Variants in TLK1 observed in about 807,000 individuals in gnomAD.
TLK1 encodes tousled like kinase 1, also known as serine/threonine-protein kinase tousled-like 1.
Under a neutral mutation model 105.3 loss-of-function variants are expected in TLK1, and 24 were observed. The ratio of observed to expected loss-of-function variants is 0.23; its 90% CI spans 0.17 to 0.32. TLK1 has a LOEUF of 0.32. Ranked by LOEUF, TLK1 falls within the 10% of genes least tolerant of loss-of-function variation. The probability of loss-of-function intolerance (pLI) is 1.00; values close to 1 mark genes in which losing one functional copy is unlikely to be tolerated. For missense variants in TLK1, 558 were observed against 910.5 expected (o/e 0.61, Z 4.98); for synonymous variants, 321 against 310.4 (o/e 1.03, Z -0.36).
At chr2:171,029,175 C>G (rs1336405855) in intron 11 of TLK1, among the ~76,000 whole-genome samples, 1 of 152,158 alleles carries the variant, frequency 6.6e-6, no homozygotes, top group Non-Finnish European at 1.5e-5. Context: ...TCAAGAATTT[C>G]AGTTTTACTC....
chr2:171,204,726 A>C (rs1373437112), intron 1 of TLK1, among the ~76,000 whole-genome samples: 1 of 152,204 alleles, frequency 6.6e-6, no homozygotes, highest in Non-Finnish European at 1.5e-5. Context: ...TGGGAGGCTG[A>C]AGTGGGTAGA....
At chr2:171,049,256 A>G (rs1021726359) in intron 10 of TLK1, among the ~76,000 whole-genome samples, 1 of 152,212 alleles carries the variant, frequency 6.6e-6, no homozygotes, top group African/African-American at 2.4e-5. Flanking sequence ...CAACCTGCAT[A>G]TATATTCCCT....
intron 4 of TLK1, among the ~76,000 whole-genome samples, chr2:171,058,511 C>A (rs1687605912): frequency 6.6e-6 from 1 of 152,086 alleles, no homozygotes; most frequent in Non-Finnish European, 1.5e-5. Flanking sequence ...AATAATAAAA[C>A]AGCTTTAGTT....
intron 11 of TLK1, among the ~76,000 whole-genome samples, chr2:171,043,192 A>C (rs1178304717): frequency 2.0e-5 from 3 of 152,220 alleles, no homozygotes; most frequent in Non-Finnish European, 4.4e-5. Context: ...CTGCGACTGA[A>C]GAGATAGAGG....
rs769771389 is a variant in TLK1, at chr2:171,050,080, T to C, written c.827A>G (p.Lys276Arg). The change falls in exon 9 of 21, where the codon AAA becomes AGA. Residue 276 changes from lysine (K) to arginine (R), a missense_variant. This residue lies in a region of TLK1 where 196 missense variants were observed against 239.3 expected (regional missense o/e 0.82). Transcript: ENST00000431350. ...TTAGCCTACCTTTTCAATAAGAAGT[T>C]TCTTGCTCATTGATATGCACTTATT... ...RLNKCISMSK[K>R]LLIEKSTQEK... The C allele has an allele frequency of 1.1e-5, 17 of 1,602,428 alleles. No homozygotes were observed. The highest frequency in any genetic ancestry group is 1.4e-5 in the Non-Finnish European group (16 of 1,172,834).
intron 2 of TLK1, among the ~76,000 whole-genome samples, chr2:171,099,113 GGTAAATACA>G (rs1689581542): frequency 6.6e-6 from 1 of 151,938 alleles, no homozygotes; most frequent in Non-Finnish European, 1.5e-5. Flanking sequence ...AAATACTAAA[GGTAAATACA>G]GTAATAACAG....
At chr2:170,998,381 A>C (rs1052503235) in intron 18 of TLK1, among the ~76,000 whole-genome samples, 1 of 152,118 alleles carries the variant, frequency 6.6e-6, no homozygotes, top group African/African-American at 2.4e-5. Context: ...ATCTGCACAC[A>C]CTATCTTCCC....
At chr2:171,143,347 T>C (rs1276876420) in intron 1 of TLK1, among the ~76,000 whole-genome samples, 3 of 150,872 alleles carry the variant, frequency 2.0e-5, no homozygotes, top group East Asian at 1.9e-4. Context: ...TCTACTAAAA[T>C]ACAAAAAGTT....
At chr2:171,198,843 T>A (rs1055448006) in intron 1 of TLK1, among the ~76,000 whole-genome samples, 12 of 152,254 alleles carry the variant, frequency 7.9e-5, no homozygotes, top group Non-Finnish European at 1.8e-4. Context: ...TCCTATCTAT[T>A]TACCTGTTGA....
At chr2:171,066,769 A>G in intron 3 of TLK1, 1 of 1,471,600 alleles carries the variant, frequency 6.8e-7, no homozygotes, top group Non-Finnish European at 9.2e-7. Flanking sequence ...CTATCCCTTT[A>G]AGGCTTTATT....
At chr2:171,129,919 A>G (rs1691032159) in intron 1 of TLK1, among the ~76,000 whole-genome samples, 1 of 152,020 alleles carries the variant, frequency 6.6e-6, no homozygotes, top group Admixed American at 6.6e-5. Flanking sequence ...AAATATTCAT[A>G]CAGTGATTTC....
intron 1 of TLK1, among the ~76,000 whole-genome samples, chr2:171,157,044 AATCCACCTG>A: frequency 6.6e-6 from 1 of 152,130 alleles, no homozygotes; most frequent in Non-Finnish European, 1.5e-5. Context: ...GAGCTCAAGC[AATCCACCTG>A]CCTAGGCCTC....
intron 11 of TLK1, among the ~76,000 whole-genome samples, chr2:171,041,611 T>A (rs1468840274): frequency 6.6e-6 from 1 of 152,210 alleles, no homozygotes; most frequent in Non-Finnish European, 1.5e-5. Flanking sequence ...CTAGGTTGTA[T>A]GCTGCTTATG....
chr2:171,184,935 A>T (rs1175961755), intron 1 of TLK1, among the ~76,000 whole-genome samples: 1 of 151,860 alleles, frequency 6.6e-6, no homozygotes, highest in East Asian at 2.0e-4. Context: ...GCCTCCCAGG[A>T]TCAGGCCATT....
At chr2:171,179,840 T>C (rs1043601471) in intron 1 of TLK1, among the ~76,000 whole-genome samples, 1 of 152,116 alleles carries the variant, frequency 6.6e-6, no homozygotes, top group African/African-American at 2.4e-5. Flanking sequence ...ACACCTGCAA[T>C]CCCAACACTT....
At chr2:171,128,965 T>A (rs1266467803) in intron 1 of TLK1, among the ~76,000 whole-genome samples, 1 of 121,030 alleles carries the variant, frequency 8.3e-6, no homozygotes, top group Non-Finnish European at 1.7e-5. Flanking sequence ...AGAGGAAGAG[T>A]ATGTGTGTGT....
intron 1 of TLK1, among the ~76,000 whole-genome samples, chr2:171,127,242 A>C (rs937728256): frequency 1.3e-5 from 2 of 149,460 alleles, no homozygotes; most frequent in African/African-American, 5.0e-5. Context: ...ATGTCACTGC[A>C]CTCCAGCCTG....
intron 2 of TLK1, among the ~76,000 whole-genome samples, chr2:171,091,304 AATATT>A (rs1347466217): frequency 1.3e-5 from 2 of 152,156 alleles, no homozygotes; most frequent in African/African-American, 4.8e-5. Flanking sequence ...GTTAAGAGGG[AATATT>A]ATATTTCAAC....
Position 170,991,561 on chromosome 2 carries a change from G to A in TLK1, c.*2219C>T, listed in dbSNP as rs1683785070. On this transcript the variant is annotated 3_prime_UTR_variant, in exon 21 of 21. Coordinates refer to ENST00000431350, the MANE Select transcript of TLK1 (RefSeq NM_012290.5). ...AAAATGATGACCTAAACCCAGGTCA[G>A]GAAAGCAACTTCATTTCATGGCTTG... 2 of 152,190 alleles carry A rather than the reference G, an allele frequency of 1.3e-5. No individual in the cohort carries two copies. 9.4% of individuals were successfully genotyped at this position (152,190 alleles called of 1,614,324 possible).
Sources: gnomAD v4.1 joint callset for allele counts (sites outside exome capture counted in the v4.1 genomes callset) on GRCh38, gnomAD v4.1.1 for gene constraint, gnomAD v4.1.1 regional missense constraint, MANE v1.5 for transcripts, NCBI Gene and HGNC (gene_info 2026-07-23, HGNC 2026-07-21) for gene names.